The following AK8 variants were observed in gnomAD, a reference collection of about 807,000 sequenced individuals.
AK8 encodes the protein ATP-AMP transphosphorylase 8.
In AK8, 44 loss-of-function variants were observed where a neutral mutation model predicts 54.6. The observed-to-expected ratio is 0.81, with a 90% CI of 0.63 to 1.04. The LOEUF (loss-of-function observed/expected upper bound fraction) is 1.04, where lower values mean the gene tolerates loss of function less well. Ranked by LOEUF, AK8 falls within the 50% of genes least tolerant of loss-of-function variation. The probability of loss-of-function intolerance (pLI) is 0.00; values close to 1 mark genes in which losing one functional copy is unlikely to be tolerated. For synonymous variants in AK8, 239 were observed against 245.6 expected (o/e 0.97, Z 0.25); for missense variants, 555 against 613.6 (o/e 0.90, Z 1.01).
rs139361091 is a variant in AK8 at position 132,793,428 on chromosome 9, G to A, written c.980-653C>T. Among the ~76,000 whole-genome samples, 1,015 of 152,274 alleles carry A rather than the reference G, an allele frequency of 6.7e-3. 10 individuals carry two copies. The highest frequency in any genetic ancestry group is 0.022 in the African/African-American group (931 of 41,550). Reference sequence around the variant, plus strand: ...TGCAGCAAACACTTTTCCTGGAAGCGCACCAGCTCCAGCTGCAGTTTCAGT... The same window carrying A: ...TGCAGCAAACACTTTTCCTGGAAGCACACCAGCTCCAGCTGCAGTTTCAGT... On this transcript the variant is annotated intron_variant, in intron 10 of 12. Coordinates refer to ENST00000298545, the MANE Select transcript of AK8 (RefSeq NM_152572.3).
intron 11 of AK8, among the ~76,000 whole-genome samples, chr9:132,747,887 A>T (rs1422067087): frequency 2.0e-5 from 3 of 150,868 alleles, no homozygotes; most frequent in Non-Finnish European, 4.4e-5. Flanking sequence ...AGGCCGAGGC[A>T]GGGGAGTTCG....
chr9:132,728,439 A>G (rs1836675055), intron 11 of AK8, among the ~76,000 whole-genome samples: 1 of 152,218 alleles, frequency 6.6e-6, no homozygotes, highest in South Asian at 2.1e-4. Context: ...AGCTTGGGCC[A>G]CTGACCCAGC....
At chr9:132,822,271 A>C (rs1841672037) in intron 9 of AK8, among the ~76,000 whole-genome samples, 1 of 127,914 alleles carries the variant, frequency 7.8e-6, no homozygotes, top group Non-Finnish European at 1.6e-5. Context: ...GTATATACAA[A>C]TATATACATA....
Position 132,760,972 on chromosome 9 carries a change from G to A in AK8, c.1121+31662C>T, listed in dbSNP as rs1305055725. ...TTAGGATTGTGGCAACTATATTTAC[G>A]AATAACATTGGCCTGTAATTTTTCT... On this transcript the variant is annotated intron_variant, in intron 11 of 12. Coordinates refer to ENST00000298545, the MANE Select transcript of AK8 (RefSeq NM_152572.3). Among the ~76,000 whole-genome samples the A allele has an allele frequency of 4.6e-5, 7 of 152,126 alleles. No individual in the cohort carries two copies. The East Asian group carries it at 5.8e-4, about 13-fold the overall frequency.
At chr9:132,808,248 T>C (rs1262976113) in intron 10 of AK8, among the ~76,000 whole-genome samples, 1 of 152,098 alleles carries the variant, frequency 6.6e-6, no homozygotes, top group South Asian at 2.1e-4. Flanking sequence ...TTAATGGAGG[T>C]TGCCTGCATA....
At chr9:132,820,815 C>T (rs372853762) in intron 9 of AK8, among the ~76,000 whole-genome samples, 1 of 152,154 alleles carries the variant, frequency 6.6e-6, no homozygotes, top group Non-Finnish European at 1.5e-5. Context: ...AGCGGATGGC[C>T]GCAGCGGAGC....
intron 10 of AK8, among the ~76,000 whole-genome samples, chr9:132,801,133 G>T (rs1331482383): frequency 3.3e-5 from 5 of 152,028 alleles, no homozygotes; most frequent in Non-Finnish European, 1.5e-5. Context: ...TCACCATGTT[G>T]GCTACGCTGG....
At chr9:132,847,256 G>A (rs929444928) in intron 5 of AK8, among the ~76,000 whole-genome samples, 15 of 152,342 alleles carry the variant, frequency 9.8e-5, no homozygotes, top group African/African-American at 3.4e-4. Context: ...GGAAAGGCAG[G>A]TCTTCTACCA....
intron 11 of AK8, among the ~76,000 whole-genome samples, chr9:132,778,188 T>C (rs1450305146): frequency 6.6e-6 from 1 of 152,188 alleles, no homozygotes; most frequent in Non-Finnish European, 1.5e-5. Flanking sequence ...GTCAATGATA[T>C]GTATTCCAGC....
intron 5 of AK8, among the ~76,000 whole-genome samples, chr9:132,853,022 C>A (rs1362769432): frequency 6.6e-6 from 1 of 151,678 alleles, no homozygotes; most frequent in Non-Finnish European, 1.5e-5. Context: ...AGAATAAGCC[C>A]AAAGAAATTC....
At chr9:132,746,085 T>C (rs1298124162) in intron 11 of AK8, among the ~76,000 whole-genome samples, 5 of 152,072 alleles carry the variant, frequency 3.3e-5, no homozygotes, top group Non-Finnish European at 7.4e-5. Context: ...CATCCAGCAA[T>C]CCTAGTGCAC....
At chr9:132,878,398 C>A, upstream of AK8, 1 of 1,241,940 alleles carries the variant, frequency 8.1e-7, no homozygotes, top group Non-Finnish European at 1.0e-6. This position sits in a 1 kb window ranked among gnomAD's most constrained non-coding sequence, Gnocchi z 4.7. Flanking sequence ...CGGGTCGCCC[C>A]CGCCCCGACC....
At chr9:132,851,850 C>T (rs1473964306) in intron 5 of AK8, among the ~76,000 whole-genome samples, 2 of 152,216 alleles carry the variant, frequency 1.3e-5, no homozygotes, top group African/African-American at 4.8e-5. Context: ...AGCCTCATAA[C>T]AATATTTAAA....
At chr9:132,741,377 G>A (rs754708149) in intron 11 of AK8, among the ~76,000 whole-genome samples, 23 of 152,288 alleles carry the variant, frequency 1.5e-4, no homozygotes, top group African/African-American at 2.9e-4. Context: ...CTGGTACTCC[G>A]AGCTCTAACA....
chr9:132,828,006 GC>G lies in AK8; in HGVS notation c.556+6del. The G allele has an allele frequency of 6.4e-7, 1 of 1,560,130 alleles. No homozygotes were observed. The highest frequency in any genetic ancestry group is 8.7e-7 in the Non-Finnish European group (1 of 1,151,172). On this transcript the variant is annotated splice_donor_region_variant and intron_variant, in intron 7 of 12. Transcript: ENST00000298545. ...ATGGGGCTGGGTGGGGGTGGCCGTA[GC>G]CATACCTCCAGTTTGAGGGTCGATT...
intron 9 of AK8, among the ~76,000 whole-genome samples, chr9:132,817,950 T>C (rs1346268547): frequency 6.6e-6 from 1 of 151,990 alleles, no homozygotes; most frequent in African/African-American, 2.4e-5. Context: ...AAAGAGAAAA[T>C]ATTAACAGCA....
At position 132,837,134 on chromosome 9, in the gene AK8, C is replaced by T. The variant is rs553334293; in HGVS notation, c.403-8408G>A. Among the ~76,000 whole-genome samples, 234 of 152,142 alleles carry T rather than the reference C, an allele frequency of 1.5e-3. 1 individual carries two copies. The highest frequency in any genetic ancestry group is 4.1e-3 in the Admixed American group (63 of 15,294). ...AAGAGATCGAGACCATCCTGGCCAACGTGGTGAAACCCCATCTCTACTAAA... is the reference window on the plus strand; with the variant it reads ...AAGAGATCGAGACCATCCTGGCCAATGTGGTGAAACCCCATCTCTACTAAA... On this transcript the variant is annotated intron_variant, in intron 5 of 12. Transcript: ENST00000298545. The surrounding 1 kb of genome is among the most constrained non-coding windows in gnomAD (Gnocchi z 4.3).
At chr9:132,797,296 CGAAG>C (rs892284410) in intron 10 of AK8, among the ~76,000 whole-genome samples, 29 of 150,990 alleles carry the variant, frequency 1.9e-4, no homozygotes, top group African/African-American at 3.2e-4. Context: ...CTAATAAACA[CGAAG>C]GAAGGAAGGA....
chr9:132,744,296 C>A (rs554190879), intron 11 of AK8, among the ~76,000 whole-genome samples: 1 of 151,846 alleles, frequency 6.6e-6, no homozygotes, highest in Non-Finnish European at 1.5e-5. Context: ...TTAATTACTC[C>A]AAAATTATGT....
Sources: allele counts gnomAD v4.1 joint callset (sites outside exome capture counted in the v4.1 genomes callset), GRCh38; gene constraint gnomAD v4.1.1; non-coding constraint Gnocchi (gnomAD v3.1); transcripts MANE v1.5; gene names NCBI Gene and HGNC (gene_info 2026-07-23, HGNC 2026-07-21).